The following COL8A1 variants were observed in gnomAD, a reference collection of about 807,000 sequenced individuals.
COL8A1 encodes the protein collagen alpha-1(VIII) chain.
A neutral mutation model predicts 42.7 loss-of-function variants in COL8A1; 21 were observed. The ratio of observed to expected loss-of-function variants is 0.49; its 90% CI spans 0.35 to 0.71. The LOEUF (loss-of-function observed/expected upper bound fraction) is 0.71, where lower values mean the gene tolerates loss of function less well. Among genes scored for constraint, COL8A1 ranks in the 30% least tolerant of loss-of-function variants. The probability of loss-of-function intolerance (pLI) is 0.01; values close to 1 mark genes in which losing one functional copy is unlikely to be tolerated. For synonymous variants in COL8A1, 367 were observed against 369.1 expected (o/e 0.99, Z 0.06); for missense variants, 788 against 962.4 (o/e 0.82, Z 2.40).
intron 2 of COL8A1, among the ~76,000 whole-genome samples, chr3:99,774,252 G>A (rs1180391128): frequency 1.3e-5 from 2 of 150,766 alleles, no homozygotes; most frequent in Non-Finnish European, 3.0e-5. Flanking sequence ...ATCTAGTATG[G>A]TTCCTCTAAA....
At chr3:99,757,042 A>G (rs1941267278) in intron 2 of COL8A1, among the ~76,000 whole-genome samples, 1 of 152,162 alleles carries the variant, frequency 6.6e-6, no homozygotes, top group African/African-American at 2.4e-5. Flanking sequence ...TGGCATATAA[A>G]CTCTAGAAAG....
chr3:99,648,465 G>A (rs1033880790), intron 1 of COL8A1, among the ~76,000 whole-genome samples: 1 of 150,644 alleles, frequency 6.6e-6, no homozygotes. Context: ...TTTCTTTTTT[G>A]TTTTTTTTAA....
At chr3:99,680,698 T>A (rs976346484) in intron 1 of COL8A1, among the ~76,000 whole-genome samples, 1 of 152,198 alleles carries the variant, frequency 6.6e-6, no homozygotes, top group African/African-American at 2.4e-5. Flanking sequence ...CTAACTGGTG[T>A]GAGATGGTAT....
chr3:99,645,678 C>A (rs961639197), intron 1 of COL8A1, among the ~76,000 whole-genome samples: 7 of 147,876 alleles, frequency 4.7e-5, no homozygotes, highest in African/African-American at 1.8e-4. Context: ...TAGTAGATCA[C>A]ATTGTTAGTT....
intron 1 of COL8A1, among the ~76,000 whole-genome samples, chr3:99,638,952 G>C (rs1187768383): frequency 6.6e-6 from 1 of 152,086 alleles, no homozygotes; most frequent in East Asian, 1.9e-4. Flanking sequence ...TATCTGTTTG[G>C]GGTGTTGTAC....
intron 1 of COL8A1, among the ~76,000 whole-genome samples, chr3:99,741,780 T>C (rs77485525): frequency 1.3e-5 from 2 of 152,320 alleles, no homozygotes; most frequent in East Asian, 3.9e-4. Context: ...CACGGCCTTT[T>C]GTGATCCTGC....
intron 1 of COL8A1, among the ~76,000 whole-genome samples, chr3:99,691,182 A>G (rs1939208622): frequency 6.6e-6 from 1 of 152,168 alleles, no homozygotes; most frequent in Admixed American, 6.5e-5. Context: ...GTGAAAGTGA[A>G]TGAGATAATG....
At chr3:99,722,170 A>G (rs1455850380) in intron 1 of COL8A1, among the ~76,000 whole-genome samples, 1 of 152,158 alleles carries the variant, frequency 6.6e-6, no homozygotes, top group Non-Finnish European at 1.5e-5. Flanking sequence ...TCTCCGTGTC[A>G]TATTTTCAAA....
intron 2 of COL8A1, among the ~76,000 whole-genome samples, chr3:99,777,363 T>C (rs983508570): frequency 6.6e-6 from 1 of 152,176 alleles, no homozygotes; most frequent in Non-Finnish European, 1.5e-5. Flanking sequence ...TTCCCAGCTC[T>C]CAGAGTTAGA....
intron 1 of COL8A1, among the ~76,000 whole-genome samples, chr3:99,650,609 AT>A (rs2107289099): frequency 6.6e-6 from 1 of 151,820 alleles, no homozygotes; most frequent in Non-Finnish European, 1.5e-5. Context: ...TAATTTTTGT[AT>A]TTTAATAGAG....
At position 99,761,811 on chromosome 3, in the gene COL8A1, T is replaced by C. The variant is rs151201746; in HGVS notation, c.-4+16790T>C. Among the ~76,000 whole-genome samples, 630 of 152,350 alleles carry C rather than the reference T, an allele frequency of 4.1e-3. 9 individuals are homozygous for C. The highest frequency in any genetic ancestry group is 0.015 in the African/African-American group (611 of 41,574). On this transcript the variant is annotated intron_variant, in intron 2 of 3. Coordinates refer to ENST00000652472, the MANE Select transcript of COL8A1 (RefSeq NM_020351.4). The stretch of plus-strand genomic sequence containing the variant: ...GACACCCTCTCATATCTAGTTGTTA[T>C]CTTGTTAACACCTTGTTCTTTGTAC...
At chr3:99,697,858 G>A (rs1939425033) in intron 1 of COL8A1, among the ~76,000 whole-genome samples, 1 of 152,110 alleles carries the variant, frequency 6.6e-6, no homozygotes, top group Non-Finnish European at 1.5e-5. Context: ...GGGTATGTCT[G>A]CACAATGTGC....
At position 99,708,262 on chromosome 3, in the gene COL8A1, T is replaced by C. The variant is rs1446276287; in HGVS notation, c.-128-36635T>C. On this transcript the variant is annotated intron_variant, in intron 1 of 3. Coordinates refer to ENST00000652472, the MANE Select transcript of COL8A1 (RefSeq NM_020351.4). ...TGGTGAGCAGGCATCCAAGGGTGCATGCACTGAATTCTGTCATAGAACTGG... is the reference window on the plus strand; with the variant it reads ...TGGTGAGCAGGCATCCAAGGGTGCACGCACTGAATTCTGTCATAGAACTGG... 5.3e-5 allele frequency among the ~76,000 whole-genome samples: 8 copies of C among 152,168 alleles called. No homozygotes were observed. In the East Asian group the frequency reaches 1.5e-3, roughly 29 times the overall value.
chr3:99,747,231 G>A (rs1022700988), intron 2 of COL8A1, among the ~76,000 whole-genome samples: 72 of 152,190 alleles, frequency 4.7e-4, no homozygotes, highest in African/African-American at 1.6e-3. Flanking sequence ...CATTTTGGTA[G>A]ACAGATTATA....
chr3:99,733,718 C>G (rs1340862798), intron 1 of COL8A1, among the ~76,000 whole-genome samples: 2 of 151,092 alleles, frequency 1.3e-5, no homozygotes, highest in Admixed American at 6.6e-5. Context: ...CCTGAGGAAT[C>G]GCCACACTGA....
At chr3:99,681,867 C>T (rs1938892492) in intron 1 of COL8A1, among the ~76,000 whole-genome samples, 1 of 152,082 alleles carries the variant, frequency 6.6e-6, no homozygotes, top group Non-Finnish European at 1.5e-5. Context: ...AAAGTGTTAC[C>T]ACTATTCTCA....
chr3:99,647,013 A>T (rs1301254614), intron 1 of COL8A1, among the ~76,000 whole-genome samples: 1 of 152,194 alleles, frequency 6.6e-6, no homozygotes, highest in Non-Finnish European at 1.5e-5. Context: ...GCTACCTGGG[A>T]TTCATCAGTG....
At chr3:99,640,844 G>T (rs955444541) in intron 1 of COL8A1, among the ~76,000 whole-genome samples, 5 of 152,100 alleles carry the variant, frequency 3.3e-5, no homozygotes, top group Non-Finnish European at 5.9e-5. Context: ...GATACTTCAC[G>T]TGAGTCTCCT....
chr3:99,723,936 C>T (rs4928143), intron 1 of COL8A1, among the ~76,000 whole-genome samples: 15,060 of 152,116 alleles, frequency 0.099, 885 homozygotes, highest in African/African-American at 0.16. Flanking sequence ...TACCAAAATT[C>T]ACTAATTTGC....
Sources: gnomAD v4.1 joint callset for allele counts (sites outside exome capture counted in the v4.1 genomes callset) on GRCh38, gnomAD v4.1.1 for gene constraint, MANE v1.5 for transcripts, NCBI Gene and HGNC (gene_info 2026-07-23, HGNC 2026-07-21) for gene names.